RIMS2: variants seen among roughly 807,000 people sequenced by gnomAD.
The protein encoded by RIMS2 is regulating synaptic membrane exocytosis 2, also known as regulating synaptic membrane exocytosis protein 2.
A neutral mutation model predicts 174.4 loss-of-function variants in RIMS2; 59 were observed. The ratio of observed to expected loss-of-function variants is 0.34; its 90% CI spans 0.27 to 0.42. RIMS2 has a LOEUF of 0.42. Among genes scored for constraint, RIMS2 ranks in the 10% least tolerant of loss-of-function variants. The probability of loss-of-function intolerance (pLI) is 1.00; values close to 1 mark genes in which losing one functional copy is unlikely to be tolerated. For synonymous variants in RIMS2, 606 were observed against 572.5 expected, an observed-to-expected ratio of 1.06 and a Z score of -0.84; for missense variants, 1,620 against 1,666.3, an observed-to-expected ratio of 0.97 and a Z score of 0.48.
chr8:104,243,707 ACCAG>A (rs1022421401), intron 19 of RIMS2, among the ~76,000 whole-genome samples: 3 of 151,890 alleles, frequency 2.0e-5, no homozygotes, highest in Non-Finnish European at 4.4e-5. Context: ...ACTTATTAAT[ACCAG>A]CCACTAAAAG....
intron 1 of RIMS2, among the ~76,000 whole-genome samples, chr8:103,581,887 C>T (rs752653479): frequency 1.4e-4 from 21 of 152,220 alleles, no homozygotes; most frequent in South Asian, 2.1e-4. Context: ...GTCCTAGTAC[C>T]GAACTAGGCC....
chr8:103,603,189 T>A (rs2094850810), intron 1 of RIMS2, among the ~76,000 whole-genome samples: 1 of 131,924 alleles, frequency 7.6e-6, no homozygotes, highest in Non-Finnish European at 1.5e-5. Flanking sequence ...GATATTCCCC[T>A]TCCTGTGTCC....
At chr8:104,002,885 C>A (rs573886631) in intron 17 of RIMS2, among the ~76,000 whole-genome samples, 1 of 152,172 alleles carries the variant, frequency 6.6e-6, no homozygotes, top group Non-Finnish European at 1.5e-5. Context: ...ACAATATTAA[C>A]TAACACTAGA....
chr8:103,685,544 T>C (rs937230186), intron 1 of RIMS2, among the ~76,000 whole-genome samples: 1 of 152,158 alleles, frequency 6.6e-6, no homozygotes, highest in African/African-American at 2.4e-5. Context: ...CCAAATGATA[T>C]CACTAGTTTT....
intron 13 of RIMS2, among the ~76,000 whole-genome samples, chr8:103,939,983 A>G (rs2082159189): frequency 6.6e-6 from 1 of 152,136 alleles, no homozygotes; most frequent in South Asian, 2.1e-4. Context: ...GTCATTCAAC[A>G]AGTCTCTAGG....
chr8:103,921,439 T>C (rs2077636672), intron 9 of RIMS2, among the ~76,000 whole-genome samples: 1 of 152,188 alleles, frequency 6.6e-6, no homozygotes, highest in South Asian at 2.1e-4. Context: ...GTCTCTACTA[T>C]AACTGGCACA....
intron 19 of RIMS2, among the ~76,000 whole-genome samples, chr8:104,169,315 T>C (rs1175419406): frequency 3.0e-5 from 2 of 66,440 alleles, no homozygotes; most frequent in African/African-American, 1.2e-4. Flanking sequence ...TATATATATA[T>C]ATATATATAT....
At chr8:103,621,350 T>G (rs1305997685) in intron 1 of RIMS2, among the ~76,000 whole-genome samples, 1 of 152,198 alleles carries the variant, frequency 6.6e-6, no homozygotes, top group African/African-American at 2.4e-5. Context: ...CATTCTGTAT[T>G]TGTCCCGATT....
At chr8:103,957,858 T>A (rs2088045580) in intron 14 of RIMS2, among the ~76,000 whole-genome samples, 1 of 152,220 alleles carries the variant, frequency 6.6e-6, no homozygotes, top group East Asian at 1.9e-4. Context: ...TGAGATACCA[T>A]CGCACACCAG....
chr8:103,813,727 T>C (rs1365394759), intron 3 of RIMS2, among the ~76,000 whole-genome samples: 3 of 152,194 alleles, frequency 2.0e-5, no homozygotes, highest in Non-Finnish European at 4.4e-5. Context: ...ACAAAGGACA[T>C]GAACTCATCC....
chr8:103,618,160 A>G (rs2095549782), intron 1 of RIMS2, among the ~76,000 whole-genome samples: 1 of 152,168 alleles, frequency 6.6e-6, no homozygotes. Flanking sequence ...TGTAGCCATG[A>G]AAAATGAAGA....
intron 3 of RIMS2, among the ~76,000 whole-genome samples, chr8:103,862,178 T>C (rs1430796136): frequency 1.3e-5 from 2 of 152,074 alleles, no homozygotes; most frequent in Non-Finnish European, 2.9e-5. Flanking sequence ...GGATTCAGTT[T>C]CATTCTTCTT....
At chr8:103,885,743 A>C in exon 4 of RIMS2, 1 of 1,613,046 alleles carries the variant, frequency 6.2e-7, no homozygotes, top group Non-Finnish European at 8.5e-7. Context: ...GGAAGATTCC[A>C]GGATTTCTAT....
At chr8:103,617,573 G>T (rs1457366978) in intron 1 of RIMS2, among the ~76,000 whole-genome samples, 2 of 152,044 alleles carry the variant, frequency 1.3e-5, no homozygotes, top group Non-Finnish European at 2.9e-5. Context: ...TAAACAGACA[G>T]CCTATAGAAT....
chr8:103,504,972 C>T (rs1294559416), intron 1 of RIMS2, among the ~76,000 whole-genome samples: 2 of 151,296 alleles, frequency 1.3e-5, no homozygotes, highest in African/African-American at 4.9e-5. Context: ...TCACCTCAGC[C>T]TCTGGAGTAA....
intron 1 of RIMS2, among the ~76,000 whole-genome samples, chr8:103,638,925 C>T (rs1410883346): frequency 6.6e-6 from 1 of 151,996 alleles, no homozygotes; most frequent in Non-Finnish European, 1.5e-5. Context: ...TATCATCTAT[C>T]TTTAAAATAT....
chr8:103,957,725 G>A (rs574558396), intron 14 of RIMS2, among the ~76,000 whole-genome samples: 293 of 152,168 alleles, frequency 1.9e-3, no homozygotes, highest in African/African-American at 6.8e-3. Flanking sequence ...CCTGCACGTT[G>A]TTCACATGTA....
At chr8:103,737,041 G>A (rs1203476931) in intron 2 of RIMS2, among the ~76,000 whole-genome samples, 1 of 151,946 alleles carries the variant, frequency 6.6e-6, no homozygotes, top group Non-Finnish European at 1.5e-5. Flanking sequence ...TATATTCTAT[G>A]ACTTGTTTCC....
At chr8:103,763,024 A>G (rs1472905021) in intron 2 of RIMS2, among the ~76,000 whole-genome samples, 1 of 152,206 alleles carries the variant, frequency 6.6e-6, no homozygotes, top group Admixed American at 6.5e-5. Flanking sequence ...AGCACATGGC[A>G]GTACTTGATG....
Sources: allele counts gnomAD v4.1 joint callset (sites outside exome capture counted in the v4.1 genomes callset), GRCh38; gene constraint gnomAD v4.1.1; transcripts MANE v1.5; gene names NCBI Gene and HGNC (gene_info 2026-07-23, HGNC 2026-07-21).